KIF1A: variants seen among roughly 807,000 people sequenced by gnomAD.
KIF1A encodes the protein kinesin family member 1A.
KIF1A carries 46 observed loss-of-function variants against 227.3 expected under a neutral mutation model. That is an observed-to-expected ratio of 0.20 (90% CI 0.16 to 0.26). The LOEUF (loss-of-function observed/expected upper bound fraction) is 0.26, where lower values mean the gene tolerates loss of function less well. Ranked by LOEUF, KIF1A falls within the 10% of genes least tolerant of loss-of-function variation. The pLI is 1.00. For missense variants in KIF1A, 1,683 were observed against 2,485.9 expected, an observed-to-expected ratio of 0.68 and a Z score of 6.87; for synonymous variants, 1,022 against 1,012.8, an observed-to-expected ratio of 1.01 and a Z score of -0.17.
At chr2:240,744,213 C>T (rs1212125441) in intron 32 of KIF1A, among the ~76,000 whole-genome samples, 153 bp from the exon 33 acceptor site, 7 of 152,196 alleles carry the variant, frequency 4.6e-5, no homozygotes, top group Non-Finnish European at 7.3e-5. Context: ...CTCCTCTAGG[C>T]CCTTCAGCCC....
In KIF1A at chr2:240,726,878, C is replaced by T. The variant is rs747802406; in HGVS notation, c.4070G>A (p.Arg1357Gln). 6 of 1,612,582 alleles carry T rather than the reference C, an allele frequency of 3.7e-6. No individual in the cohort carries two copies. Among genetic ancestry groups the T allele is most frequent in the African/African-American group, 1.3e-5 (1 of 74,906 alleles). The change falls in exon 39 of 49, where the codon CGG (arginine) becomes CAG (glutamine). Residue 1357 changes from arginine (R) to glutamine (Q), a missense_variant. Arg to Gln is a conservative substitution (Grantham distance 43). This residue lies in a region of KIF1A where 759 missense variants were observed against 1,020.2 expected (regional missense o/e 0.74). Transcript: ENST00000498729. The surrounding 1 kb of genome is among the most constrained non-coding windows in gnomAD (Gnocchi z 5.2). Reference sequence around the variant, plus strand: ...GATTTTCTCTCGATAAGGGGTGACCCGGTTCAGCAGGAGAGAGTTGTGCAT... The same window carrying T: ...GATTTTCTCTCGATAAGGGGTGACCTGGTTCAGCAGGAGAGAGTTGTGCAT... ...SSMHNSLLLN[R>Q]VTPYREKIYM...
Position 240,721,000 on chromosome 2 carries a change from C to G in KIF1A, c.4782G>C (p.Ser1594=). Residue 1594 remains serine (S), a synonymous_variant, in exon 45 of 49, where the codon TCG becomes TCC. Coordinates refer to ENST00000498729, the MANE Select transcript of KIF1A (RefSeq NM_001244008.2). ...EMSVTLLRDP[S]MSPLGVATLT... ...GAGTGGCCACCCCTAGAGGGGACAT[C>G]GACGGGTCCCGGAGCAGGGTGACAG... 1 of 1,610,602 alleles carries G rather than the reference C, an allele frequency of 6.2e-7. No individual in the cohort carries two copies. Among genetic ancestry groups the G allele is most frequent in the Non-Finnish European group, 8.5e-7 (1 of 1,179,012 alleles).
chr2:240,784,884 G>T (rs889496946), intron 7 of KIF1A, 105 bp downstream of exon 7: 3 of 900,318 alleles, frequency 3.3e-6, no homozygotes, highest in African/African-American at 3.3e-5. Context: ...GCACAGGCCA[G>T]CATTGGGCCT....
chr2:240,741,183 A>G, intron 35 of KIF1A, 86 bp downstream of exon 35: 1 of 870,916 alleles, frequency 1.1e-6, no homozygotes, highest in African/African-American at 1.7e-5. Flanking sequence ...GATGCTGGCA[A>G]CCCTCAGGCA....
intron 38 of KIF1A, among the ~76,000 whole-genome samples, chr2:240,730,969 C>G (rs1175286871): frequency 6.6e-6 from 1 of 152,220 alleles, no homozygotes; most frequent in Non-Finnish European, 1.5e-5. Flanking sequence ...ACCCTCCAAG[C>G]CCCCTGAGGG....
chr2:240,769,938 G>C (rs1448786261), intron 15 of KIF1A, among the ~76,000 whole-genome samples: 1 of 152,216 alleles, frequency 6.6e-6, no homozygotes, highest in South Asian at 2.1e-4. Context: ...AAGGAAAAGA[G>C]AAGCAAATGC....
At position 240,758,320 on chromosome 2, in the gene KIF1A, T is replaced by A. The variant is rs750132449; in HGVS notation, c.2582+40A>T. On this transcript the variant is annotated intron_variant, in intron 26 of 48. Transcript: ENST00000498729. This position sits in a 1 kb window ranked among gnomAD's most constrained non-coding sequence, Gnocchi z 5.2. ...CTACCCCCACTGCCATCTCTCTCTC[T>A]CAATCTCTCTCTCTGCCAAGGAAGG... 3.8e-6 allele frequency: 6 copies of A among 1,590,004 alleles called. No individual in the cohort carries two copies. Among genetic ancestry groups the A allele is most frequent in the African/African-American group, 1.3e-5 (1 of 74,448 alleles).
chr2:240,755,589 A>G (rs1198983455), intron 27 of KIF1A, among the ~76,000 whole-genome samples: 1 of 152,184 alleles, frequency 6.6e-6, no homozygotes, highest in Non-Finnish European at 1.5e-5. Flanking sequence ...CAAAAAGATC[A>G]AGATGATTCC....
intron 10 of KIF1A, chr2:240,782,233 G>T (rs778660676): frequency 4.0e-5 from 39 of 979,736 alleles, no homozygotes; most frequent in Admixed American, 6.2e-5. Flanking sequence ...CCTGTCACCC[G>T]CTTCCTCTCA....
Position 240,745,833 on chromosome 2 carries a change from G to A in KIF1A, c.3279C>T (p.Asp1093=). Residue 1093 remains aspartate (D), a synonymous_variant, in exon 31 of 49, where the codon GAC becomes GAT. Transcript: ENST00000498729. The part of the protein sequence containing the change: ...ALDGPLDAAL[D]HLRLGNTFTF... ...TGAAGGTGTTGCCCAGGCGGAGGTG[G>A]TCCAGGGCAGCATCCAGGGGCCCAT... The A allele has an allele frequency of 6.2e-7, 1 of 1,612,848 alleles. No homozygotes were observed. Among genetic ancestry groups the A allele is most frequent in the Non-Finnish European group, 8.5e-7 (1 of 1,179,644 alleles).
At chr2:240,720,808 G>A (rs546268142) in intron 45 of KIF1A, 106 bp downstream of exon 45, 213 of 1,348,208 alleles carry the variant, frequency 1.6e-4, no homozygotes, top group Middle Eastern at 5.4e-4. Flanking sequence ...CAAGGCACTC[G>A]GCCATTGGGG....
intron 38 of KIF1A, among the ~76,000 whole-genome samples, chr2:240,732,652 C>T (rs1264523184): frequency 4.0e-5 from 3 of 74,794 alleles, no homozygotes; most frequent in Non-Finnish European, 7.4e-5. Flanking sequence ...AGGGGAGGAG[C>T]TAATAAGGGG....
chr2:240,735,995 C>T (rs954925030), intron 38 of KIF1A, among the ~76,000 whole-genome samples: 4 of 151,150 alleles, frequency 2.6e-5, no homozygotes, highest in Admixed American at 6.6e-5. Context: ...CACTGTTCAG[C>T]GCTGTGCCCA....
At chr2:240,818,011 G>A (rs1338656340) in intron 1 of KIF1A, among the ~76,000 whole-genome samples, 2 of 152,234 alleles carry the variant, frequency 1.3e-5, no homozygotes, top group African/African-American at 4.8e-5. Flanking sequence ...TGGAGCCCCA[G>A]ATGGGGCAGT....
intron 2 of KIF1A, among the ~76,000 whole-genome samples, chr2:240,795,749 C>T (rs2056311967): frequency 6.6e-6 from 1 of 152,214 alleles, no homozygotes; most frequent in South Asian, 2.1e-4. Context: ...ACTCGCCCAC[C>T]CTGGCCGTCA....
intron 2 of KIF1A, among the ~76,000 whole-genome samples, chr2:240,796,316 G>A (rs1048823358): frequency 6.6e-6 from 1 of 152,226 alleles, no homozygotes; most frequent in African/African-American, 2.4e-5. Context: ...GGCCAGGGCT[G>A]CAGTCAGCTA....
chr2:240,816,258 G>A (rs1422794953), intron 1 of KIF1A, among the ~76,000 whole-genome samples: 1 of 152,026 alleles, frequency 6.6e-6, no homozygotes. Flanking sequence ...GGGTATGTGA[G>A]TGTGCATGAG....
At chr2:240,821,121 G>A (rs142416724), upstream of KIF1A, among the ~76,000 whole-genome samples, 3 of 152,326 alleles carry the variant, frequency 2.0e-5, no homozygotes, top group East Asian at 3.9e-4. Flanking sequence ...CTCGCCCATG[G>A]GAACCTCCCC....
At position 240,782,578 on chromosome 2, in the gene KIF1A, G is replaced by A. The variant is rs1300007064; in HGVS notation, c.882+12C>T. 10 of 1,552,118 alleles carry A rather than the reference G, an allele frequency of 6.4e-6. No individual in the cohort carries two copies. The East Asian group carries it at 2.4e-4, about 38-fold the overall frequency. On this transcript the variant is annotated intron_variant, in intron 10 of 48. Transcript: ENST00000498729. ...TCCCGCACCTGCCCCGGGGCTGAAG[G>A]AAGCCGCTTACCTTGTTGGGTCCGG...
Sources: gnomAD v4.1 joint callset for allele counts (sites outside exome capture counted in the v4.1 genomes callset) on GRCh38, gnomAD v4.1.1 for gene constraint, gnomAD v4.1.1 regional missense constraint, Gnocchi (gnomAD v3.1) non-coding constraint, MANE v1.5 for transcripts, NCBI Gene and HGNC (gene_info 2026-07-23, HGNC 2026-07-21) for gene names.